DDX31: variants seen among roughly 807,000 people sequenced by gnomAD.
DDX31 encodes the protein ATP-dependent DNA helicase DDX31.
A neutral mutation model predicts 91.3 loss-of-function variants in DDX31; 70 were observed. The ratio of observed to expected loss-of-function variants is 0.77; its 90% confidence interval spans 0.63 to 0.94. The LOEUF (loss-of-function observed/expected upper bound fraction) is 0.94. Among genes scored for constraint, DDX31 ranks in the 40% least tolerant of loss-of-function variants. The pLI, the probability that DDX31 is intolerant of heterozygous loss-of-function variation, is 0.00. For synonymous variants in DDX31, 362 were observed against 350.6 expected (o/e 1.03, Z -0.36); for missense variants, 902 against 925.0 (o/e 0.98, Z 0.32).
At chr9:132,642,202 G>A in intron 13 of DDX31, 139 bp from the exon 14 acceptor site, 1 of 753,114 alleles carries the variant, frequency 1.3e-6, no homozygotes, top group Non-Finnish European at 2.2e-6. Context: ...GAAAGAGGAA[G>A]AAGCGGATTC....
At chr9:132,658,380 A>C in intron 6 of DDX31, 1 of 703,084 alleles carries the variant, frequency 1.4e-6, no homozygotes, top group South Asian at 1.5e-5. Context: ...TGGGGGAGAG[A>C]GCAGTTAAAG....
At position 132,618,355 on chromosome 9, in the gene DDX31, C is replaced by A; in HGVS notation, c.1800G>T (p.Glu600Asp). ...CTTTCTTTGCCCAGGAGACCCTCCT[C>A]TCACTGGAGTGCACGTAATCTTCAA... is the stretch of plus-strand genomic sequence containing the variant. The part of the protein sequence containing the change: ...TVFEDYVHSS[E>D]RRVSWAKKAL... The change falls in exon 18 of 20, where the codon GAG (glutamate) becomes GAT (aspartate). Residue 600 changes from glutamate (E) to aspartate (D), a missense_variant. Physicochemically the swap from Glu to Asp is conservative, Grantham distance 45. Coordinates refer to ENST00000372159, the MANE Select transcript of DDX31 (RefSeq NM_022779.9). 1.2e-6 allele frequency: 2 copies of A among 1,610,448 alleles called. No homozygotes were observed. The highest frequency in any genetic ancestry group is 1.7e-6 in the Non-Finnish European group (2 of 1,178,582).
At chr9:132,645,743 C>T (rs1833787646) in intron 13 of DDX31, 152 bp downstream of exon 13, 1 of 777,746 alleles carries the variant, frequency 1.3e-6, no homozygotes, top group Admixed American at 3.0e-5. Flanking sequence ...CAGTGGGTCA[C>T]CCATTTTCGT....
At chr9:132,600,872 G>A (rs755137051) in intron 19 of DDX31, among the ~76,000 whole-genome samples, 7 of 152,180 alleles carry the variant, frequency 4.6e-5, no homozygotes, top group South Asian at 4.1e-4. Flanking sequence ...TCCAAGCTTC[G>A]TTTCCCGGTA....
At chr9:132,607,415 A>C (rs1831085735) in intron 19 of DDX31, among the ~76,000 whole-genome samples, 1 of 152,250 alleles carries the variant, frequency 6.6e-6, no homozygotes, top group African/African-American at 2.4e-5. Context: ...TTTAAAGAGG[A>C]AGCTAGGAGC....
chr9:132,630,218 TA>T, intron 16 of DDX31, 45 bp downstream of exon 16: 1 of 1,515,132 alleles, frequency 6.6e-7, no homozygotes. Flanking sequence ...GACAGAAAGT[TA>T]ATTAGGTGAG....
At chr9:132,618,547 AG>A in intron 17 of DDX31, 106 bp from the exon 18 acceptor site, 3 of 803,828 alleles carry the variant, frequency 3.7e-6, no homozygotes, top group Non-Finnish European at 5.8e-6. Context: ...GTAACCACCT[AG>A]GGCCAACAAG....
chr9:132,636,011 C>A (rs1833091663), intron 14 of DDX31, among the ~76,000 whole-genome samples: 1 of 152,162 alleles, frequency 6.6e-6, no homozygotes, highest in South Asian at 2.1e-4. Flanking sequence ...GGAGGCAGGA[C>A]TTGAGGGAGA....
chr9:132,600,175 T>C (rs990756272), intron 19 of DDX31, among the ~76,000 whole-genome samples: 5 of 152,266 alleles, frequency 3.3e-5, no homozygotes, highest in African/African-American at 1.2e-4. Flanking sequence ...CTACCTTTTA[T>C]GGTCAGTGAG....
intron 18 of DDX31, among the ~76,000 whole-genome samples, chr9:132,612,486 C>T (rs1427759905): frequency 6.6e-6 from 1 of 152,138 alleles, no homozygotes; most frequent in African/African-American, 2.4e-5. Flanking sequence ...CTTGAATATG[C>T]CCGATAAAAT....
At chr9:132,600,344 G>A (rs764624514) in intron 19 of DDX31, among the ~76,000 whole-genome samples, 8 of 152,160 alleles carry the variant, frequency 5.3e-5, no homozygotes, top group Non-Finnish European at 8.8e-5. Context: ...GAAGACACTC[G>A]GCTCCAGTTG....
chr9:132,624,724 GT>G (rs1832287840), intron 17 of DDX31, among the ~76,000 whole-genome samples: 1 of 152,142 alleles, frequency 6.6e-6, no homozygotes. Context: ...ACAGTCCTAG[GT>G]TGGGAACACA....
chr9:132,608,281 T>C (rs1296733541), intron 19 of DDX31, among the ~76,000 whole-genome samples: 1 of 152,166 alleles, frequency 6.6e-6, no homozygotes, highest in African/African-American at 2.4e-5. Context: ...AGAAGAGTTT[T>C]TGTGACTATG....
intron 14 of DDX31, among the ~76,000 whole-genome samples, chr9:132,640,301 G>A (rs892781479): frequency 2.0e-4 from 31 of 152,124 alleles, no homozygotes; most frequent in South Asian, 8.3e-4. Flanking sequence ...TCATGGTAGT[G>A]TTCCAGGCAG....
intron 8 of DDX31, 36 bp from the exon 9 acceptor site, chr9:132,650,334 C>A (rs752569557): frequency 2.7e-5 from 43 of 1,593,412 alleles, no homozygotes; most frequent in African/African-American, 6.7e-5. Flanking sequence ...CAGTGCAAAG[C>A]CCCCTTTACT....
intron 9 of DDX31, among the ~76,000 whole-genome samples, chr9:132,649,193 T>C (rs543990722): frequency 5.3e-5 from 8 of 152,270 alleles, no homozygotes; most frequent in Admixed American, 3.3e-4. Context: ...CCTCCTGCCT[T>C]GGCCTCCCTA....
Position 132,612,370 on chromosome 9 carries a change from G to A in DDX31, c.1826-115C>T. On this transcript the variant is annotated intron_variant, in intron 18 of 19. Transcript: ENST00000372159. ...TATCTTGCCAGGCAACGAAACATGA[G>A]CAGGACAATTACAACATATACAAAC... 4 of 1,187,936 alleles carry A rather than the reference G, an allele frequency of 3.4e-6. No homozygotes were observed. In the South Asian group the frequency reaches 5.2e-5, roughly 15 times the overall value. The allele number at this position is 1,187,936 out of a possible 1,614,324, so 73.6% of individuals were successfully genotyped here.
At chr9:132,639,713 T>G (rs1267338109) in intron 14 of DDX31, among the ~76,000 whole-genome samples, 1 of 152,218 alleles carries the variant, frequency 6.6e-6, no homozygotes, top group African/African-American at 2.4e-5. Flanking sequence ...GGAGTTTTCT[T>G]TAAGGCTTAC....
chr9:132,632,567 G>A (rs565722347), intron 14 of DDX31, among the ~76,000 whole-genome samples: 4 of 152,034 alleles, frequency 2.6e-5, no homozygotes, highest in East Asian at 1.9e-4. Flanking sequence ...ATCACCCCCC[G>A]CCCACAACCA....
Sources: allele counts gnomAD v4.1 joint callset (sites outside exome capture counted in the v4.1 genomes callset), GRCh38; gene constraint gnomAD v4.1.1; transcripts MANE v1.5; gene names NCBI Gene and HGNC (gene_info 2026-07-23, HGNC 2026-07-21).